Variants in FBN2 observed in about 807,000 individuals in gnomAD.
The protein encoded by FBN2 is fibrillin-2.
A neutral mutation model predicts 355.6 loss-of-function variants in FBN2; 105 were observed. That is an observed-to-expected ratio of 0.30 (90% CI 0.25 to 0.35). The LOEUF is 0.35. Ranked by LOEUF, FBN2 falls within the 10% of genes least tolerant of loss-of-function variation. FBN2 has a pLI of 1.00. For missense variants in FBN2, 3,280 were observed against 3,758.7 expected, an observed-to-expected ratio of 0.87 and a Z score of 3.33; for synonymous variants, 1,350 against 1,301.2, an observed-to-expected ratio of 1.04 and a Z score of -0.81.
At chr5:128,359,922 A>G (rs1057134823) in intron 19 of FBN2, among the ~76,000 whole-genome samples, 1 of 152,134 alleles carries the variant, frequency 6.6e-6, no homozygotes, top group Non-Finnish European at 1.5e-5. Context: ...TGTACATAGC[A>G]AATAGAACCA....
chr5:128,319,079 A>AT (rs1318527226), intron 34 of FBN2, 78 bp from the exon 35 acceptor site: 2 of 1,160,910 alleles, frequency 1.7e-6, no homozygotes, highest in Admixed American at 1.8e-5. Context: ...ACATTAGCGC[A>AT]TTTTTCTGCC....
At chr5:128,328,083 T>C (rs1269127345) in intron 34 of FBN2, 2 of 166,460 alleles carry the variant, frequency 1.2e-5, no homozygotes, top group Admixed American at 1.1e-4. Flanking sequence ...AAACTATATA[T>C]AATGTGAATT....
intron 36 of FBN2, among the ~76,000 whole-genome samples, chr5:128,317,830 G>T (rs749867670): frequency 2.6e-5 from 4 of 152,090 alleles, no homozygotes; most frequent in Non-Finnish European, 5.9e-5. Flanking sequence ...TATTCTAACA[G>T]CTATACCACC....
chr5:128,476,502 A>T (rs917837454), intron 5 of FBN2, among the ~76,000 whole-genome samples: 4 of 152,206 alleles, frequency 2.6e-5, no homozygotes, highest in African/African-American at 9.6e-5. Context: ...GGAATTCCAA[A>T]AGGTAATTCC....
chr5:128,452,861 A>G (rs1754291116), intron 6 of FBN2, among the ~76,000 whole-genome samples: 1 of 152,008 alleles, frequency 6.6e-6, no homozygotes, highest in African/African-American at 2.4e-5. Flanking sequence ...TCAATAGGTA[A>G]TTTTTCAGTC....
chr5:128,319,417 T>C (rs935999208), intron 34 of FBN2, among the ~76,000 whole-genome samples: 6 of 132,502 alleles, frequency 4.5e-5, no homozygotes, highest in African/African-American at 1.6e-4. Context: ...TTTTATATTA[T>C]GAAAAAACAA....
At chr5:128,281,986 G>T (rs544469954) in intron 55 of FBN2, among the ~76,000 whole-genome samples, 2 of 152,082 alleles carry the variant, frequency 1.3e-5, no homozygotes, top group Non-Finnish European at 2.9e-5. Flanking sequence ...CACCGTGCCC[G>T]GCAGGTAATT....
chr5:128,537,535 C>A lies in FBN2; in HGVS notation c.69G>T (p.Ala23=), dbSNP rs774856011. ...GCTGAGGCTGGCCGGCCGTGCCCTG[C>A]GCCCAGAGCACCACACAGCCCAGCC... ...FLWLGCVVLW[A]QGTAGQPQPP... is the part of the protein sequence containing the mutation. The change falls in exon 1 of 65, where the codon GCG becomes GCT. Residue 23 remains alanine, a synonymous_variant. Coordinates refer to ENST00000262464, the MANE Select transcript of FBN2 (RefSeq NM_001999.4). The A allele has an allele frequency of 3.4e-5, 54 of 1,589,434 alleles. No individual in the cohort carries two copies. Among genetic ancestry groups the A allele is most frequent in the Middle Eastern group, 3.3e-4 (2 of 6,040 alleles).
chr5:128,350,700 A>T (rs570200196), intron 21 of FBN2, among the ~76,000 whole-genome samples, 168 bp downstream of exon 21: 6 of 152,254 alleles, frequency 3.9e-5, no homozygotes, highest in Non-Finnish European at 8.8e-5. Flanking sequence ...AGGATAAAAC[A>T]AATACACATT....
chr5:128,282,292 A>G (rs918642408), intron 55 of FBN2, among the ~76,000 whole-genome samples: 1 of 152,092 alleles, frequency 6.6e-6, no homozygotes, highest in African/African-American at 2.4e-5. Context: ...CTTACTTCAG[A>G]AATTTAAAGG....
chr5:128,480,603 G>A (rs939540266), intron 5 of FBN2, among the ~76,000 whole-genome samples: 3 of 152,060 alleles, frequency 2.0e-5, no homozygotes, highest in Non-Finnish European at 4.4e-5. Context: ...CCAGCTACTC[G>A]GGAGGCTGAG....
intron 3 of FBN2, among the ~76,000 whole-genome samples, chr5:128,530,110 T>C (rs1756663309): frequency 6.6e-6 from 1 of 152,220 alleles, no homozygotes; most frequent in South Asian, 2.1e-4. Flanking sequence ...ATCTTCGACC[T>C]TAAGGACCCA....
chr5:128,422,443 T>C (rs1335196450), intron 7 of FBN2, among the ~76,000 whole-genome samples: 5 of 152,158 alleles, frequency 3.3e-5, no homozygotes, highest in Non-Finnish European at 5.9e-5. Flanking sequence ...AGAAATAGTA[T>C]AGTGAGAAGT....
Position 128,259,163 on chromosome 5 carries a change from C to A in FBN2, c.*292G>T. On this transcript the variant is annotated 3_prime_UTR_variant, in exon 65 of 65. Coordinates refer to ENST00000262464, the MANE Select transcript of FBN2 (RefSeq NM_001999.4). ...AAAAAAAGCTCACATTATTTTTGTG[C>A]ATTTAGTGCCATATGCTGATATCTT... 2 of 314,356 alleles carry A rather than the reference C, an allele frequency of 6.4e-6. No homozygotes were observed. Among genetic ancestry groups the A allele is most frequent in the Non-Finnish European group, 1.2e-5 (2 of 170,494 alleles). The allele number at this position is 314,356 out of a possible 1,614,324, so 19.5% of individuals were successfully genotyped here. A position where few individuals can be genotyped will look rare whatever the true frequency, so the allele number is the denominator to read the frequency against.
At chr5:128,293,134 A>T (rs1749376113) in intron 48 of FBN2, among the ~76,000 whole-genome samples, 1 of 151,970 alleles carries the variant, frequency 6.6e-6, no homozygotes, top group African/African-American at 2.4e-5. Flanking sequence ...ATGTCTGTGT[A>T]TGTGTGTGTG....
intron 7 of FBN2, among the ~76,000 whole-genome samples, chr5:128,445,735 A>G (rs142180494): frequency 1.3e-3 from 191 of 152,296 alleles, no homozygotes; most frequent in Middle Eastern, 3.4e-3. Context: ...CAAAACTACT[A>G]GAATCATCAA....
In FBN2 at chr5:128,395,213, C is replaced by T. The variant is rs532059159; in HGVS notation, c.1140G>A (p.Pro380=). 1.7e-5 allele frequency: 27 copies of T among 1,614,056 alleles called. No individual in the cohort carries two copies. In the Middle Eastern group the frequency reaches 8.2e-4, roughly 49 times the overall value. The change falls in exon 9 of 65, where the codon CCG becomes CCA. Residue 380 remains proline (P), a synonymous_variant. Coordinates refer to ENST00000262464, the MANE Select transcript of FBN2 (RefSeq NM_001999.4). ...AGCACTGCATTTTCGTCATTCTCCC[C>T]GGGAGCTCTTGTGCACAGCGGCCAT... ...LVNGRCAQEL[P]GRMTKMQCCC... is the part of the protein sequence containing the mutation.
At chr5:128,401,321 C>A (rs1051921919) in intron 8 of FBN2, among the ~76,000 whole-genome samples, 39 of 152,124 alleles carry the variant, frequency 2.6e-4, no homozygotes, top group African/African-American at 9.2e-4. Flanking sequence ...TACCATGATT[C>A]ACATTTATGA....
intron 8 of FBN2, among the ~76,000 whole-genome samples, chr5:128,396,411 G>T (rs1287856804): frequency 6.6e-6 from 1 of 152,172 alleles, no homozygotes; most frequent in Non-Finnish European, 1.5e-5. Context: ...AAGAACTAGG[G>T]AAAACTGACT....
Sources: allele counts gnomAD v4.1 joint callset (sites outside exome capture counted in the v4.1 genomes callset), GRCh38; gene constraint gnomAD v4.1.1; transcripts MANE v1.5; gene names NCBI Gene and HGNC (gene_info 2026-07-23, HGNC 2026-07-21).